The following DYNC1I1 variants were observed in gnomAD, a reference collection of about 807,000 sequenced individuals.
DYNC1I1 encodes dynein cytoplasmic 1 intermediate chain 1, also known as cytoplasmic dynein 1 intermediate chain 1.
DYNC1I1 carries 43 observed loss-of-function variants against 86.6 expected under a neutral mutation model. The observed-to-expected ratio is 0.50, with a 90% CI of 0.39 to 0.64. The LOEUF (loss-of-function observed/expected upper bound fraction) is 0.64. Among genes scored for constraint, DYNC1I1 ranks in the 30% least tolerant of loss-of-function variants. The pLI, the probability that DYNC1I1 is intolerant of heterozygous loss-of-function variation, is 0.00. For missense variants in DYNC1I1, 604 were observed against 788.8 expected, an observed-to-expected ratio of 0.77 and a Z score of 2.81; for synonymous variants, 262 against 283.7, an observed-to-expected ratio of 0.92 and a Z score of 0.77.
chr7:95,867,541 G>A (rs988351807), intron 5 of DYNC1I1, among the ~76,000 whole-genome samples: 1 of 152,186 alleles, frequency 6.6e-6, no homozygotes, highest in Non-Finnish European at 1.5e-5. Flanking sequence ...AGTCCGCCAT[G>A]GTGGAGTATC....
rs57664357 is a variant in DYNC1I1, at chr7:95,956,380, C to CTT, written c.491-21117_491-21116dup. On this transcript the variant is annotated intron_variant, in intron 6 of 16. Transcript: ENST00000447467. Reference sequence around the variant, plus strand: ...CTCAATAAGACCCTTCTTTTTTTCTCTTTTTTTTTTTTTTTTATTATACTT... The same window carrying CTT: ...CTCAATAAGACCCTTCTTTTTTTCTCTTTTTTTTTTTTTTTTTTATTATACTT... Among the ~76,000 whole-genome samples the CTT allele has an allele frequency of 7.2e-3, 1,014 of 140,082 alleles. 4 individuals are homozygous for CTT. The highest frequency in any genetic ancestry group is 0.011 in the Non-Finnish European group (730 of 64,116). The allele number at this position is 140,082 out of a possible 152,430, so 91.9% of individuals were successfully genotyped here.
At chr7:95,925,780 T>G (rs1162052415) in intron 6 of DYNC1I1, among the ~76,000 whole-genome samples, 1 of 152,194 alleles carries the variant, frequency 6.6e-6, no homozygotes, top group South Asian at 2.1e-4. Context: ...GTTTCTTTCT[T>G]ATGCCAGTTT....
intron 5 of DYNC1I1, among the ~76,000 whole-genome samples, chr7:95,832,054 G>C (rs1426035911): frequency 1.3e-5 from 2 of 149,444 alleles, no homozygotes; most frequent in Admixed American, 1.3e-4. Context: ...TGCCATGCTG[G>C]TGCGCTGCAC....
At chr7:95,947,146 G>A (rs993705714) in intron 6 of DYNC1I1, among the ~76,000 whole-genome samples, 2 of 152,144 alleles carry the variant, frequency 1.3e-5, no homozygotes, top group Non-Finnish European at 2.9e-5. Context: ...GATAATAATA[G>A]TACTATGAAG....
chr7:95,832,820 G>GT (rs1268233325), intron 5 of DYNC1I1, among the ~76,000 whole-genome samples: 1 of 152,078 alleles, frequency 6.6e-6, no homozygotes, highest in Admixed American at 6.5e-5. Context: ...GGGATTGTTT[G>GT]TTTTTTTCTT....
intron 1 of DYNC1I1, among the ~76,000 whole-genome samples, chr7:95,784,501 C>G (rs1159687946): frequency 7.2e-5 from 11 of 152,016 alleles, no homozygotes; most frequent in Non-Finnish European, 1.3e-4. Flanking sequence ...GCCTCTCCCA[C>G]CCACTCCTTG....
intron 6 of DYNC1I1, among the ~76,000 whole-genome samples, chr7:95,874,706 G>A (rs1790262422): frequency 6.6e-6 from 1 of 152,216 alleles, no homozygotes; most frequent in South Asian, 2.1e-4. Context: ...GAAAGGCCAT[G>A]TGAGGACACA....
chr7:96,076,303 T>C, intron 15 of DYNC1I1, 106 bp downstream of exon 15: 2 of 1,469,300 alleles, frequency 1.4e-6, no homozygotes, highest in South Asian at 1.3e-5. Context: ...TGGACAGACC[T>C]TCCAACTGCA....
At chr7:95,862,216 T>A (rs1789901711) in intron 5 of DYNC1I1, among the ~76,000 whole-genome samples, 1 of 152,070 alleles carries the variant, frequency 6.6e-6, no homozygotes. Flanking sequence ...TTATTAAAAT[T>A]GAAAATATTT....
intron 7 of DYNC1I1, among the ~76,000 whole-genome samples, chr7:95,978,007 T>G (rs1793352040): frequency 6.6e-6 from 1 of 152,196 alleles, no homozygotes; most frequent in African/African-American, 2.4e-5. Context: ...TTAATAGTGA[T>G]CAACGCTAGT....
intron 6 of DYNC1I1, among the ~76,000 whole-genome samples, chr7:95,945,869 CACTATTTACA>C (rs1160007101): frequency 6.6e-6 from 1 of 152,044 alleles, no homozygotes; most frequent in African/African-American, 2.4e-5. Context: ...TTCATTGCAG[CACTATTTACA>C]ATAGCAAAGA....
chr7:95,915,655 G>T (rs951806308), intron 6 of DYNC1I1, among the ~76,000 whole-genome samples: 4 of 151,994 alleles, frequency 2.6e-5, no homozygotes, highest in African/African-American at 9.7e-5. Flanking sequence ...ACAGGACTCT[G>T]GCAAATTGCT....
At chr7:95,907,241 G>A (rs924360278) in intron 6 of DYNC1I1, among the ~76,000 whole-genome samples, 9 of 152,074 alleles carry the variant, frequency 5.9e-5, no homozygotes, top group South Asian at 2.1e-4. Flanking sequence ...TCCTTGCCCC[G>A]CTTTTTCATG....
At chr7:95,992,224 T>C (rs1292930750) in intron 9 of DYNC1I1, among the ~76,000 whole-genome samples, 1 of 152,118 alleles carries the variant, frequency 6.6e-6, no homozygotes, top group Non-Finnish European at 1.5e-5. Context: ...GCTTTTTTAT[T>C]TGTCTTGTAG....
intron 6 of DYNC1I1, among the ~76,000 whole-genome samples, chr7:95,975,997 G>T (rs1793294276): frequency 6.6e-6 from 1 of 152,120 alleles, no homozygotes; most frequent in African/African-American, 2.4e-5. Context: ...GCATTAATAT[G>T]TTCACATACG....
At chr7:95,946,072 T>C (rs1307167775) in intron 6 of DYNC1I1, among the ~76,000 whole-genome samples, 1 of 152,072 alleles carries the variant, frequency 6.6e-6, no homozygotes, top group African/African-American at 2.4e-5. Flanking sequence ...AAATACCGCA[T>C]GTTCTCACTT....
intron 3 of DYNC1I1, among the ~76,000 whole-genome samples, chr7:95,812,405 A>G (rs1321351884): frequency 6.6e-6 from 1 of 152,050 alleles, no homozygotes; most frequent in East Asian, 1.9e-4. Flanking sequence ...AGGGGGAAAA[A>G]ATTGCATTGG....
rs961465676 is a variant in DYNC1I1 at position 96,062,745 on chromosome 7, C to T, written c.1510-13312C>T. 2.0e-5 allele frequency among the ~76,000 whole-genome samples: 3 copies of T among 152,314 alleles called. No homozygotes were observed. In the East Asian group the frequency reaches 5.8e-4, roughly 29 times the overall value. ...TTAAGGACTCTCCCAACTCACTCCC[C>T]ATCTCACCCTGTAGCCACCATTTCT... On this transcript the variant is annotated intron_variant, in intron 14 of 16. Coordinates refer to ENST00000447467, the MANE Select transcript of DYNC1I1 (RefSeq NM_001135556.2).
intron 6 of DYNC1I1, among the ~76,000 whole-genome samples, chr7:95,951,908 C>G (rs1376990332): frequency 1.3e-5 from 2 of 152,168 alleles, no homozygotes; most frequent in Non-Finnish European, 1.5e-5. Context: ...CTGGGGTTCT[C>G]CACAGCCTCA....
Sources: gnomAD v4.1 joint callset for allele counts (sites outside exome capture counted in the v4.1 genomes callset) on GRCh38, gnomAD v4.1.1 for gene constraint, MANE v1.5 for transcripts, NCBI Gene and HGNC (gene_info 2026-07-23, HGNC 2026-07-21) for gene names.